STARD6: variants seen among roughly 807,000 people sequenced by gnomAD.
STARD6 encodes stAR-related lipid transfer protein 6.
STARD6 carries 21 observed loss-of-function variants against 22.3 expected under a neutral mutation model. The ratio of observed to expected loss-of-function variants is 0.94; its 90% CI spans 0.67 to 1.35. The LOEUF is 1.35. STARD6 is among the 40% of genes most tolerant of loss of function. The pLI is 0.00. For missense variants in STARD6, 269 were observed against 266.9 expected (o/e 1.01, Z -0.05); for synonymous variants, 80 against 88.1 (o/e 0.91, Z 0.52).
chr18:54,351,898 C>CTTTTTT (rs1568174614), intron 4 of STARD6, among the ~76,000 whole-genome samples: 4 of 61,548 alleles, frequency 6.5e-5, no homozygotes, highest in African/African-American at 4.0e-4. Context: ...GATATTGGTC[C>CTTTTTT]GTTTTTTTTT....
At chr18:54,342,551 C>T (rs967916788) in intron 4 of STARD6, among the ~76,000 whole-genome samples, 3 of 136,728 alleles carry the variant, frequency 2.2e-5, no homozygotes, top group Non-Finnish European at 3.1e-5. Flanking sequence ...GCTGCCATCT[C>T]GGCTCACTGC....
chr18:54,325,304 A>G (rs985594036), intron 7 of STARD6, among the ~76,000 whole-genome samples: 9 of 152,160 alleles, frequency 5.9e-5, no homozygotes, highest in African/African-American at 2.2e-4. Flanking sequence ...TTCCCCACAT[A>G]TATAAATATA....
At chr18:54,343,299 G>A (rs1179336131) in intron 4 of STARD6, among the ~76,000 whole-genome samples, 9 of 125,298 alleles carry the variant, frequency 7.2e-5, no homozygotes, top group African/African-American at 1.6e-4. Context: ...GAGCCTCTCC[G>A]CCCAGCAGCC....
chr18:54,349,300 T>C (rs139849598), intron 4 of STARD6, among the ~76,000 whole-genome samples: 6 of 152,080 alleles, frequency 3.9e-5, no homozygotes, highest in Non-Finnish European at 8.8e-5. Flanking sequence ...AAAAATGACA[T>C]TAGCCTTGGA....
intron 5 of STARD6, among the ~76,000 whole-genome samples, chr18:54,335,205 T>C (rs897553334): frequency 4.4e-5 from 6 of 136,808 alleles, no homozygotes; most frequent in African/African-American, 1.5e-4. Flanking sequence ...TTTATTTATT[T>C]ATTTTTGAGA....
intron 4 of STARD6, among the ~76,000 whole-genome samples, chr18:54,344,966 C>T (rs1162884428): frequency 6.6e-6 from 1 of 152,100 alleles, no homozygotes; most frequent in Non-Finnish European, 1.5e-5. Flanking sequence ...AAACTAAATA[C>T]TTTTCTATTA....
intron 7 of STARD6, among the ~76,000 whole-genome samples, chr18:54,325,518 CT>C (rs2088817984): frequency 1.3e-5 from 2 of 150,978 alleles, no homozygotes; most frequent in South Asian, 4.2e-4. Context: ...GTAAGTAAAG[CT>C]GCAATAAAAT....
intron 4 of STARD6, among the ~76,000 whole-genome samples, chr18:54,351,898 CGTTTTTTTTTT>C (rs1358489983): frequency 3.2e-5 from 2 of 61,548 alleles, no homozygotes; most frequent in Admixed American, 3.4e-4. Flanking sequence ...GATATTGGTC[CGTTTTTTTTTT>C]TTTTTTTTTT....
chr18:54,338,845 C>T (rs187107136), intron 4 of STARD6, among the ~76,000 whole-genome samples: 3 of 151,530 alleles, frequency 2.0e-5, no homozygotes, highest in African/African-American at 4.8e-5. Context: ...GTCAAGAGAT[C>T]GAGACCAACT....
At chr18:54,331,303 G>C (rs1787842) in intron 6 of STARD6, among the ~76,000 whole-genome samples, 114,893 of 152,008 alleles carry the variant, frequency 0.76, 44,123 homozygotes, top group African/African-American at 0.9. Context: ...CATCAAAACC[G>C]GCAGTTTCTA....
chr18:54,331,729 T>C lies in STARD6; in HGVS notation c.385+13A>G, dbSNP rs1340234345. On this transcript the variant is annotated intron_variant, in intron 6 of 7. Transcript: ENST00000307844. ...CAGTAATTCCAAGATATGGGCAAAA[T>C]GTTTCAACTTACAACTGATAATGTT... 1 of 1,571,788 alleles carries C rather than the reference T, an allele frequency of 6.4e-7. No individual in the cohort carries two copies. The highest frequency in any genetic ancestry group is 8.7e-7 in the Non-Finnish European group (1 of 1,147,646).
chr18:54,354,603 G>T, intron 2 of STARD6, 26 bp from the exon 3 acceptor site: 1 of 1,532,416 alleles, frequency 6.5e-7, no homozygotes, highest in South Asian at 1.2e-5. Context: ...ACAAACAACT[G>T]GTAAGAATAT....
intron 7 of STARD6, 21 bp downstream of exon 7, chr18:54,329,326 A>T: frequency 6.6e-7 from 1 of 1,521,360 alleles, no homozygotes; most frequent in Non-Finnish European, 8.8e-7. Context: ...GTTAAAATAA[A>T]TAAGTGCAAA....
chr18:54,331,180 T>G (rs935322346), intron 6 of STARD6, among the ~76,000 whole-genome samples: 3 of 152,136 alleles, frequency 2.0e-5, no homozygotes, highest in Non-Finnish European at 1.5e-5. Flanking sequence ...GTTATCTGAG[T>G]CCATAGATCT....
At chr18:54,343,689 G>A (rs1157390214) in intron 4 of STARD6, among the ~76,000 whole-genome samples, 3 of 39,778 alleles carry the variant, frequency 7.5e-5, no homozygotes, top group African/African-American at 1.4e-4. Flanking sequence ...TCGGCCCCCC[G>A]CCCGGCCAGC....
Position 54,337,134 on chromosome 18 carries a change from C to T in STARD6, c.258G>A (p.Arg86=), listed in dbSNP as rs201231063. 5 of 1,609,678 alleles carry T rather than the reference C, an allele frequency of 3.1e-6. No homozygotes were observed. The East Asian group carries it at 1.1e-4, about 36-fold the overall frequency. ...KSLQVYNMVH[R]IDSDTFICHT... ...TTAAACAACAAATTACCGAATCAAT[C>T]CTGTGTACCATATTATACACTTGCA... Residue 86 remains arginine (R), a synonymous_variant, in exon 5 of 8, where the codon AGG becomes AGA. Transcript: ENST00000307844.
chr18:54,336,647 C>G (rs1467412552), intron 5 of STARD6, among the ~76,000 whole-genome samples: 1 of 152,070 alleles, frequency 6.6e-6, no homozygotes, highest in Non-Finnish European at 1.5e-5. Flanking sequence ...TGAGTTCTCA[C>G]GAGGTCTGAT....
chr18:54,333,711 C>T (rs2088885393), intron 5 of STARD6, among the ~76,000 whole-genome samples: 1 of 152,114 alleles, frequency 6.6e-6, no homozygotes, highest in African/African-American at 2.4e-5. Context: ...TTCTATAACT[C>T]TTCTCTCCTA....
At chr18:54,355,949 A>T (rs3859342) in intron 2 of STARD6, 1 of 151,950 alleles carries the variant, frequency 6.6e-6, no homozygotes, top group East Asian at 1.9e-4. Flanking sequence ...TTTGAACTTC[A>T]ACTTCCATAT....
Sources: allele counts gnomAD v4.1 joint callset (sites outside exome capture counted in the v4.1 genomes callset), GRCh38; gene constraint gnomAD v4.1.1; transcripts MANE v1.5; gene names NCBI Gene and HGNC (gene_info 2026-07-23, HGNC 2026-07-21).